The following P3H1 variants were observed in gnomAD, a reference collection of about 807,000 sequenced individuals.
P3H1 encodes the protein growth suppressor 1.
P3H1 carries 69 observed loss-of-function variants against 84.0 expected under a neutral mutation model. That is an observed-to-expected ratio of 0.82 (90% CI 0.68 to 1.00). P3H1 has a LOEUF of 1.00. Among genes scored for constraint, P3H1 ranks in the 50% least tolerant of loss-of-function variants. P3H1 has a pLI of 0.00. For missense variants in P3H1, 878 were observed against 962.8 expected, an observed-to-expected ratio of 0.91 and a Z score of 1.17; for synonymous variants, 366 against 388.8, an observed-to-expected ratio of 0.94 and a Z score of 0.69.
chr1:42,763,239 A>C (rs984418147), intron 1 of P3H1, among the ~76,000 whole-genome samples: 1 of 152,148 alleles, frequency 6.6e-6, no homozygotes, highest in African/African-American at 2.4e-5. Context: ...TTTTTGCATA[A>C]AATAAAATGA....
intron 10 of P3H1, among the ~76,000 whole-genome samples, chr1:42,750,846 C>T (rs1478961350): frequency 2.7e-5 from 4 of 147,840 alleles, no homozygotes; most frequent in Admixed American, 6.6e-5. Context: ...CCCGGCCAGC[C>T]GCCCTATCCA....
chr1:42,748,833 C>A (rs567519569), intron 11 of P3H1: 1 of 229,834 alleles, frequency 4.4e-6, no homozygotes, highest in Non-Finnish European at 8.8e-6. Flanking sequence ...GGGAACAGAC[C>A]GGGCTCACTG....
rs758738382 is a variant in P3H1, at chr1:42,754,862, C to T, written c.1345+7G>A. ...AGCCAGACATGCCCCTATTTCTGTCCTCTCACCTTCCCGGGTCAGTCTGCT... is the reference window on the plus strand; with the variant it reads ...AGCCAGACATGCCCCTATTTCTGTCTTCTCACCTTCCCGGGTCAGTCTGCT... On this transcript the variant is annotated splice_region_variant and intron_variant, in intron 8 of 14. Coordinates refer to ENST00000296388, the MANE Select transcript of P3H1 (RefSeq NM_022356.4). The surrounding 1 kb of genome is among the most constrained non-coding windows in gnomAD (Gnocchi z 4.0). 1 of 1,614,178 alleles carries T rather than the reference C, an allele frequency of 6.2e-7. No homozygotes were observed. The highest frequency in any genetic ancestry group is 8.5e-7 in the Non-Finnish European group (1 of 1,180,008).
Position 42,746,478 on chromosome 1 carries a change from C to T in P3H1, c.*219G>A. On this transcript the variant is annotated 3_prime_UTR_variant, in exon 15 of 15. Coordinates refer to ENST00000296388, the MANE Select transcript of P3H1 (RefSeq NM_022356.4). Reference sequence around the variant, plus strand: ...GTGGAGGCCCCTGGGGGTGGCTGGGCCTGTGTCCTGAGCCCTCAGCCAGAT... The same window carrying T: ...GTGGAGGCCCCTGGGGGTGGCTGGGTCTGTGTCCTGAGCCCTCAGCCAGAT... 1 of 592,514 alleles carries T rather than the reference C, an allele frequency of 1.7e-6. No individual in the cohort carries two copies. The highest frequency in any genetic ancestry group is 2.1e-5 in the South Asian group (1 of 48,232). The allele number at this position is 592,514 out of a possible 1,614,324, so 36.7% of individuals were successfully genotyped here. A position where few individuals can be genotyped will look rare whatever the true frequency, so the allele number is the denominator to read the frequency against.
Position 42,758,898 on chromosome 1 carries a change from G to T in P3H1, c.894C>A (p.Asp298Glu). Residue 298 changes from aspartate to glutamate, a missense_variant, in exon 4 of 15, where the codon GAC becomes GAA. Asp to Glu is a conservative substitution (Grantham distance 45). Transcript: ENST00000296388. The stretch of plus-strand genomic sequence containing the variant: ...GATAATTATAATGCGATGGGAGGAA[G>T]TCTTCAAAGGGCTTCTCTCGACTTG... Reference protein sequence around the residue: ...SHPSREKPFEDFLPSHYNYLQ... With the variant: ...SHPSREKPFEEFLPSHYNYLQ... The T allele has an allele frequency of 6.2e-7, 1 of 1,614,186 alleles. No homozygotes were observed. Among genetic ancestry groups the T allele is most frequent in the South Asian group, 1.1e-5 (1 of 91,078 alleles).
At chr1:42,762,977 T>G (rs917593984) in intron 1 of P3H1, among the ~76,000 whole-genome samples, 3 of 151,848 alleles carry the variant, frequency 2.0e-5, no homozygotes, top group African/African-American at 7.3e-5. Context: ...TCCCAGCTAC[T>G]CTGCAGGCTG....
intron 12 of P3H1, 33 bp downstream of exon 12, chr1:42,748,167 G>T: frequency 6.6e-7 from 1 of 1,520,278 alleles, no homozygotes. Flanking sequence ...GGAGGGCACA[G>T]ACCTCCTCAC....
At chr1:42,751,857 G>A (rs991572628) in intron 10 of P3H1, 2 of 310,504 alleles carry the variant, frequency 6.4e-6, no homozygotes, top group Non-Finnish European at 1.3e-5. Context: ...GAGACAATGA[G>A]TACCAGGCCC....
Position 42,755,549 on chromosome 1 carries a change from G to A in P3H1, c.1169C>T (p.Pro390Leu), listed in dbSNP as rs777550875. The change falls in exon 6 of 15, where the codon CCG (proline) becomes CTG (leucine). Residue 390 changes from proline to leucine, a missense_variant and splice_region_variant. Coordinates refer to ENST00000296388, the MANE Select transcript of P3H1 (RefSeq NM_022356.4). ...YDVFGIPFVD[P>L]DSWTPEEVIP... ...TCCGGCTCCTGTACCCTAGCTCACCGGATCCACAAAGGGAATTCCAAAAAC... is the reference window on the plus strand; with the variant it reads ...TCCGGCTCCTGTACCCTAGCTCACCAGATCCACAAAGGGAATTCCAAAAAC... 12 of 1,612,530 alleles carry A rather than the reference G, an allele frequency of 7.4e-6. No homozygotes were observed. Among genetic ancestry groups the A allele is most frequent in the East Asian group, 6.7e-5 (3 of 44,892 alleles).
intron 11 of P3H1, among the ~76,000 whole-genome samples, chr1:42,749,223 G>A (rs550290091): frequency 2.6e-5 from 4 of 152,384 alleles, no homozygotes; most frequent in African/African-American, 9.6e-5. Context: ...GGGGGCTTGT[G>A]ACACACCCAG....
Position 42,747,419 on chromosome 1 carries a change from G to C in P3H1, c.1915-7C>G. 6.2e-7 allele frequency: 1 copy of C among 1,608,854 alleles called. No individual in the cohort carries two copies. The highest frequency in any genetic ancestry group is 8.5e-7 in the Non-Finnish European group (1 of 1,177,452). ...ACTGAGGCTGCACCTCTGCCTAAGG[G>C]GGACAGAAAGGGAGGGGGGTTGCAC... On this transcript the variant is annotated splice_region_variant and splice_polypyrimidine_tract_variant and intron_variant, in intron 13 of 14. Transcript: ENST00000296388.
chr1:42,747,565 G>T, intron 13 of P3H1, 153 bp from the exon 14 acceptor site: 1 of 1,092,648 alleles, frequency 9.2e-7, no homozygotes, highest in Non-Finnish European at 1.4e-6. Context: ...TGACTGGTTA[G>T]AGGAGTGATG....
chr1:42,746,784 C>G lies in P3H1; in HGVS notation c.2124G>C (p.Glu708Asp), dbSNP rs774761396. 7 of 1,572,516 alleles carry G rather than the reference C, an allele frequency of 4.5e-6. No homozygotes were observed. The highest frequency in any genetic ancestry group is 5.2e-6 in the Non-Finnish European group (6 of 1,158,794). ...FSPEEMDLSQ[E>D]QPLDAQQGPP... ...GGCCCTGCTGGGCATCCAGGGGCTG[C>G]TCCTGGGAGAGGTCCATCTCTTCTG... The change falls in exon 15 of 15, where the codon GAG becomes GAC. Residue 708 changes from glutamate (E) to aspartate (D), a missense_variant. Transcript: ENST00000296388.
intron 3 of P3H1, 90 bp downstream of exon 3, chr1:42,759,111 G>A (rs1165260218): frequency 5.8e-6 from 9 of 1,559,276 alleles, no homozygotes; most frequent in African/African-American, 1.4e-5. Flanking sequence ...ATTGAGGAAT[G>A]AGGGTGAAGA....
chr1:42,750,107 C>T, intron 11 of P3H1, 79 bp downstream of exon 11: 1 of 1,520,146 alleles, frequency 6.6e-7, no homozygotes, highest in Non-Finnish European at 9.0e-7. Context: ...GCATCCTGTT[C>T]TCTCTGTGTC....
At position 42,747,287 on chromosome 1, in the gene P3H1, A is replaced by C. The variant is rs1178816829; in HGVS notation, c.2040T>G (p.Pro680=). The part of the protein sequence containing the change: ...CAIALWFTLD[P]RHSERDRVQA... ...CTGCTCTCACCCGCTCGCTGTGTCG[A>C]GGGTCCAGGGTGAACCACAGGGCGA... Residue 680 remains proline (P), a synonymous_variant, in exon 14 of 15, where the codon CCT becomes CCG. Transcript: ENST00000296388. The C allele has an allele frequency of 6.2e-7, 1 of 1,613,624 alleles. No individual in the cohort carries two copies. The highest frequency in any genetic ancestry group is 8.5e-7 in the Non-Finnish European group (1 of 1,179,724).
chr1:42,756,583 AG>A (rs375779542), intron 5 of P3H1: 3 of 154,424 alleles, frequency 1.9e-5, no homozygotes, highest in African/African-American at 7.2e-5. Flanking sequence ...TATTTACCTA[AG>A]AGGAAGAGAG....
chr1:42,750,150 T>C, intron 11 of P3H1, 36 bp downstream of exon 11: 1 of 1,604,694 alleles, frequency 6.2e-7, no homozygotes, highest in Admixed American at 1.7e-5. Context: ...AGGTACAGCA[T>C]GCGGGGGCGG....
chr1:42,757,978 A>G, intron 4 of P3H1, 56 bp from the exon 5 acceptor site: 1 of 1,535,142 alleles, frequency 6.5e-7, no homozygotes. Flanking sequence ...AAAGGATAAA[A>G]TCCTAGCACC....
Sources: gnomAD v4.1 joint callset for allele counts (sites outside exome capture counted in the v4.1 genomes callset) on GRCh38, gnomAD v4.1.1 for gene constraint, Gnocchi (gnomAD v3.1) non-coding constraint, MANE v1.5 for transcripts, NCBI Gene and HGNC (gene_info 2026-07-23, HGNC 2026-07-21) for gene names.